Variants in KCNQ1 observed in about 807,000 individuals in gnomAD.
KCNQ1 encodes potassium voltage-gated channel subfamily KQT member 1.
Under a neutral mutation model 72.4 loss-of-function variants are expected in KCNQ1, and 49 were observed. That is an observed-to-expected ratio of 0.68 (90% CI 0.54 to 0.86). The LOEUF (loss-of-function observed/expected upper bound fraction) is 0.86. KCNQ1 is among the 40% of genes least tolerant of loss of function. KCNQ1 has a pLI of 0.00. For synonymous variants in KCNQ1, 450 were observed against 412.6 expected (o/e 1.09, Z -1.10); for missense variants, 790 against 945.1 (o/e 0.84, Z 2.15).
In KCNQ1 at chr11:2,642,094, G is replaced by A. The variant is rs1050936634; in HGVS notation, c.1394-19867G>A. On this transcript the variant is annotated intron_variant, in intron 10 of 15. Transcript: ENST00000155840. This position sits in a 1 kb window ranked among gnomAD's most constrained non-coding sequence, Gnocchi z 4.3. ...TGTTATTTTTGCTCAGAATTGCTGT[G>A]GCTATTCCAGCTCTTTTTTGGTTCC... 3 of 398,274 alleles carry A rather than the reference G, an allele frequency of 7.5e-6. No homozygotes were observed. The highest frequency in any genetic ancestry group is 8.9e-6 in the Non-Finnish European group (2 of 225,926). 24.7% of individuals were successfully genotyped at this position (398,274 alleles called of 1,614,324 possible).
chr11:2,582,110 G>A (rs1306482640), intron 6 of KCNQ1, among the ~76,000 whole-genome samples: 8 of 152,322 alleles, frequency 5.3e-5, no homozygotes, highest in African/African-American at 7.2e-5. Context: ...GTTCGTTAAC[G>A]TGCTCATCGG....
rs1021762697 is a variant in KCNQ1, at chr11:2,678,127, T to C, written c.1514+16046T>C. 4 of 398,328 alleles carry C rather than the reference T, an allele frequency of 1.0e-5. No homozygotes were observed. Among genetic ancestry groups the C allele is most frequent in the Middle Eastern group, 6.2e-4 (1 of 1,606 alleles). The allele number at this position is 398,328 out of a possible 1,614,324, so 24.7% of individuals were successfully genotyped here. A position where few individuals can be genotyped will look rare whatever the true frequency, so the allele number is the denominator to read the frequency against. ...CTTTGTCATATTCATTGAAAATATTTTATCCTCATTTTCCTTAGGTGTTTT... is the reference window on the plus strand; with the variant it reads ...CTTTGTCATATTCATTGAAAATATTCTATCCTCATTTTCCTTAGGTGTTTT... On this transcript the variant is annotated intron_variant, in intron 11 of 15. Transcript: ENST00000155840. This position sits in a 1 kb window ranked among gnomAD's most constrained non-coding sequence, Gnocchi z 4.9.
intron 1 of KCNQ1, among the ~76,000 whole-genome samples, chr11:2,490,723 T>A (rs977649868): frequency 6.6e-6 from 1 of 152,160 alleles, no homozygotes; most frequent in Non-Finnish European, 1.5e-5. Context: ...AGTTTCACTC[T>A]TGTTGCCAAG....
At chr11:2,775,243 T>C (rs1846670908) in intron 12 of KCNQ1, among the ~76,000 whole-genome samples, 1 of 152,194 alleles carries the variant, frequency 6.6e-6, no homozygotes, top group African/African-American at 2.4e-5. Context: ...CATGAGATGC[T>C]TTGTTTTCTC....
At chr11:2,795,637 C>T (rs542716606) in intron 15 of KCNQ1, among the ~76,000 whole-genome samples, 13 of 152,362 alleles carry the variant, frequency 8.5e-5, no homozygotes, top group Admixed American at 7.8e-4. Flanking sequence ...CAGAAGCCCG[C>T]CCCTAATTCT....
rs776452941 is a variant in KCNQ1 at position 2,652,027 on chromosome 11, C to A, written c.1394-9934C>A. 4 of 398,550 alleles carry A rather than the reference C, an allele frequency of 1.0e-5. No homozygotes were observed. In the East Asian group the frequency reaches 1.1e-4, roughly 11 times the overall value. 24.7% of individuals were successfully genotyped at this position (398,550 alleles called of 1,614,324 possible). A position where few individuals can be genotyped will look rare whatever the true frequency, so the allele number is the denominator to read the frequency against. Reference sequence around the variant, plus strand: ...ATAATTTTGATGTTGAGCCTCCCCCCAGTTCTGGGGTGGCTCTGACTGTGT... The same window carrying A: ...ATAATTTTGATGTTGAGCCTCCCCCAAGTTCTGGGGTGGCTCTGACTGTGT... On this transcript the variant is annotated intron_variant, in intron 10 of 15. Transcript: ENST00000155840. This position sits in a 1 kb window ranked among gnomAD's most constrained non-coding sequence, Gnocchi z 5.9.
chr11:2,585,276 G>A lies in KCNQ1; in HGVS notation c.1097G>A (p.Arg366Gln), dbSNP rs199473410. 5.6e-6 allele frequency: 9 copies of A among 1,613,996 alleles called. No homozygotes were observed. Among genetic ancestry groups the A allele is most frequent in the East Asian group, 2.2e-5 (1 of 44,882 alleles). ...QQKQRQKHFN[R>Q]QIPAAASLIQ... ...AAGCAGAGGCAGAAGCACTTCAACC[G>A]GCAGATCCCGGCGGCAGCCTCACTC... is the stretch of plus-strand genomic sequence containing the variant. The change falls in exon 8 of 16, where the codon CGG becomes CAG. Residue 366 changes from arginine to glutamine, a missense_variant. Arg to Gln is a conservative substitution (Grantham distance 43). Coordinates refer to ENST00000155840, the MANE Select transcript of KCNQ1 (RefSeq NM_000218.3).
rs907186095 is a variant in KCNQ1, at chr11:2,678,065, T to C, written c.1514+15984T>C. On this transcript the variant is annotated intron_variant, in intron 11 of 15. Coordinates refer to ENST00000155840, the MANE Select transcript of KCNQ1 (RefSeq NM_000218.3). The surrounding 1 kb of genome is among the most constrained non-coding windows in gnomAD (Gnocchi z 4.9). ...CTATTTCTTCATACCCTTTGGACTT[T>C]GTAAAATACCTTGTCTTACTGATTT... is the stretch of plus-strand genomic sequence containing the variant. 6 of 398,480 alleles carry C rather than the reference T, an allele frequency of 1.5e-5. No homozygotes were observed. Among genetic ancestry groups the C allele is most frequent in the Non-Finnish European group, 2.7e-5 (6 of 225,980 alleles). 24.7% of individuals were successfully genotyped at this position (398,480 alleles called of 1,614,324 possible).
At chr11:2,548,553 G>A (rs560678648) in intron 2 of KCNQ1, among the ~76,000 whole-genome samples, 3 of 152,332 alleles carry the variant, frequency 2.0e-5, no homozygotes, top group African/African-American at 4.8e-5. Context: ...GGGGGGACAC[G>A]TTTACGTGTC....
intron 1 of KCNQ1, among the ~76,000 whole-genome samples, chr11:2,521,872 A>G (rs1355986812): frequency 1.3e-5 from 2 of 152,190 alleles, no homozygotes; most frequent in Admixed American, 6.5e-5. Context: ...CAGGGGCCCT[A>G]GTGTGTGCGG....
chr11:2,691,658 G>A lies in KCNQ1; in HGVS notation c.1514+29577G>A, dbSNP rs1170433305. ...TCCTCTTTACCGCCACAGTTCCAAGGGTGAAACAGAGAACCAGGTGGGGAA... is the reference window on the plus strand; with the variant it reads ...TCCTCTTTACCGCCACAGTTCCAAGAGTGAAACAGAGAACCAGGTGGGGAA... On this transcript the variant is annotated intron_variant, in intron 11 of 15. Transcript: ENST00000155840. The surrounding 1 kb of genome is among the most constrained non-coding windows in gnomAD (Gnocchi z 6.4). The A allele has an allele frequency of 4.0e-5, 16 of 398,424 alleles. No homozygotes were observed. The highest frequency in any genetic ancestry group is 6.2e-5 in the African/African-American group (3 of 48,572). The allele number at this position is 398,424 out of a possible 1,614,324, so 24.7% of individuals were successfully genotyped here.
intron 1 of KCNQ1, among the ~76,000 whole-genome samples, chr11:2,517,017 G>A (rs889524745): frequency 2.6e-5 from 4 of 152,162 alleles, no homozygotes; most frequent in South Asian, 4.1e-4. Context: ...CCTCAAGCAC[G>A]GCTGTGTTCA....
intron 10 of KCNQ1, among the ~76,000 whole-genome samples, chr11:2,590,741 G>A (rs573632045): frequency 3.2e-4 from 49 of 152,296 alleles, no homozygotes; most frequent in Admixed American, 2.5e-3. Context: ...CCCCACCCTG[G>A]AGGGCCTGCT....
At chr11:2,505,615 A>G (rs1205026536) in intron 1 of KCNQ1, among the ~76,000 whole-genome samples, 1 of 152,176 alleles carries the variant, frequency 6.6e-6, no homozygotes, top group Non-Finnish European at 1.5e-5. Context: ...TCGGTTCTGT[A>G]AATTTTTCCT....
At chr11:2,513,791 C>T (rs1222986595) in intron 1 of KCNQ1, among the ~76,000 whole-genome samples, 1 of 152,234 alleles carries the variant, frequency 6.6e-6, no homozygotes, top group African/African-American at 2.4e-5. Flanking sequence ...CTAGACTGGG[C>T]CTCCACCTCT....
Position 2,559,563 on chromosome 11 carries a change from C to T in KCNQ1, c.478-11065C>T, listed in dbSNP as rs1011802813. Among the ~76,000 whole-genome samples the T allele has an allele frequency of 2.0e-5, 3 of 152,168 alleles. No homozygotes were observed. The highest frequency in any genetic ancestry group is 4.8e-5 in the African/African-American group (2 of 41,434). ...ACAGCTGTCACCCACTTGCAGGGCC[C>T]GGCTGCCCGGTGGATGGGAACGGCC... On this transcript the variant is annotated intron_variant, in intron 2 of 15. Transcript: ENST00000155840. This position sits in a 1 kb window ranked among gnomAD's most constrained non-coding sequence, Gnocchi z 4.9.
intron 10 of KCNQ1, chr11:2,633,597 C>T: frequency 2.5e-6 from 1 of 398,466 alleles, no homozygotes; most frequent in Non-Finnish European, 4.4e-6. Flanking sequence ...ATCCTGTTTT[C>T]CCAACATGAT....
intron 11 of KCNQ1, among the ~76,000 whole-genome samples, chr11:2,741,972 C>T (rs1454250910): frequency 6.6e-6 from 1 of 152,246 alleles, no homozygotes; most frequent in Non-Finnish European, 1.5e-5. Flanking sequence ...CCAGGGCGGG[C>T]TGCCGCCTTG....
chr11:2,793,498 C>T (rs1181191329), intron 15 of KCNQ1, among the ~76,000 whole-genome samples: 3 of 139,864 alleles, frequency 2.1e-5, no homozygotes, highest in African/African-American at 7.6e-5. Context: ...ATGGTGTGTG[C>T]CTGTGGTCCC....
Sources: gnomAD v4.1 joint callset for allele counts (sites outside exome capture counted in the v4.1 genomes callset) on GRCh38, gnomAD v4.1.1 for gene constraint, Gnocchi (gnomAD v3.1) non-coding constraint, MANE v1.5 for transcripts, NCBI Gene and HGNC (gene_info 2026-07-23, HGNC 2026-07-21) for gene names.